Variants in CDH7 observed in about 807,000 individuals in gnomAD.
CDH7 encodes cadherin 7.
A neutral mutation model predicts 71.8 loss-of-function variants in CDH7; 25 were observed. The observed-to-expected ratio is 0.35, with a 90% CI of 0.25 to 0.49. The LOEUF (loss-of-function observed/expected upper bound fraction) is 0.49. Among genes scored for constraint, CDH7 ranks in the 20% least tolerant of loss-of-function variants. The pLI, the probability that CDH7 is intolerant of heterozygous loss-of-function variation, is 0.99. For synonymous variants in CDH7, 381 were observed against 363.8 expected, an observed-to-expected ratio of 1.05 and a Z score of -0.54; for missense variants, 862 against 974.6, an observed-to-expected ratio of 0.88 and a Z score of 1.54.
chr18:65,807,079 A>T (rs2143899103), intron 2 of CDH7, among the ~76,000 whole-genome samples: 1 of 151,774 alleles, frequency 6.6e-6, no homozygotes, highest in Admixed American at 6.6e-5. Context: ...AAAGTTTAGG[A>T]CTTCTGAAAC....
Position 65,762,803 on chromosome 18 carries a change from G to A in CDH7, c.-40G>A. 1.3e-6 allele frequency: 2 copies of A among 1,570,028 alleles called. No individual in the cohort carries two copies. The highest frequency in any genetic ancestry group is 1.7e-6 in the Non-Finnish European group (2 of 1,153,724). On this transcript the variant is annotated 5_prime_UTR_variant, in exon 2 of 12. Transcript: ENST00000397968. ...GGAACTGTGCCTTTTCTCTTGTCAA[G>A]GTTTTTTTCTTACACAGGAAAAAGA...
chr18:65,862,645 C>A (rs112254494), intron 10 of CDH7, 21 bp from the exon 11 acceptor site: 1 of 1,610,020 alleles, frequency 6.2e-7, no homozygotes, highest in Non-Finnish European at 8.5e-7. Context: ...TGGTGTTATA[C>A]ATTTGCTTTC....
chr18:65,811,336 G>A (rs1358206477), intron 3 of CDH7, among the ~76,000 whole-genome samples: 1 of 152,142 alleles, frequency 6.6e-6, no homozygotes, highest in Admixed American at 6.5e-5. Flanking sequence ...TATTAGAAGA[G>A]AGAGGGGAAA....
At chr18:65,852,442 C>T (rs2628251) in intron 7 of CDH7, among the ~76,000 whole-genome samples, 147,448 of 152,224 alleles carry the variant, frequency 0.97, 71,568 homozygotes, top group East Asian at 1. Context: ...ACCTTGGCAG[C>T]ATAATGCCAT....
At chr18:65,861,902 CTT>C (rs1913577480) in intron 10 of CDH7, among the ~76,000 whole-genome samples, 1 of 151,930 alleles carries the variant, frequency 6.6e-6, no homozygotes. Context: ...CATAAATACT[CTT>C]ATTATTTAAT....
At chr18:65,827,732 C>T (rs1912184995) in intron 6 of CDH7, among the ~76,000 whole-genome samples, 1 of 151,714 alleles carries the variant, frequency 6.6e-6, no homozygotes, top group Non-Finnish European at 1.5e-5. Context: ...GAGGCAAAAC[C>T]ATTAGATTCT....
At chr18:65,751,374 G>A (rs1915870745) in intron 1 of CDH7, among the ~76,000 whole-genome samples, 1 of 152,226 alleles carries the variant, frequency 6.6e-6, no homozygotes, top group Admixed American at 6.5e-5. Context: ...GGCCCGGAAA[G>A]CCGGTGTTGA....
rs1913418861 is a variant in CDH7, at chr18:65,857,863, A to G, written c.1283A>G (p.Asp428Gly). ...NTDLERYFNIDANSGVITTAK... is the reference protein window; with the variant it reads ...NTDLERYFNIGANSGVITTAK... ...GACTTGGAGAGATACTTCAATATTG[A>G]TGCCAACAGTGGGGTCATCACAACT... Residue 428 changes from aspartate (D) to glycine (G), a missense_variant, in exon 8 of 12, where the codon GAT becomes GGT. By Grantham distance (94) the Asp-to-Gly change is moderately conservative (BLOSUM62 -1). Transcript: ENST00000397968. 2 of 1,613,398 alleles carry G rather than the reference A, an allele frequency of 1.2e-6. No individual in the cohort carries two copies. The highest frequency in any genetic ancestry group is 1.3e-5 in the African/African-American group (1 of 74,900).
At chr18:65,873,218 T>C (rs1377890295) in intron 11 of CDH7, among the ~76,000 whole-genome samples, 6 of 152,182 alleles carry the variant, frequency 3.9e-5, no homozygotes, top group African/African-American at 1.4e-4. Flanking sequence ...TTTTCAACTA[T>C]ACCTTGTAGG....
intron 2 of CDH7, among the ~76,000 whole-genome samples, chr18:65,784,094 G>C (rs1191073455): frequency 6.8e-6 from 1 of 146,728 alleles, no homozygotes; most frequent in Non-Finnish European, 1.5e-5. Flanking sequence ...TGGGAACACA[G>C]GCATTACCAC....
intron 3 of CDH7, among the ~76,000 whole-genome samples, chr18:65,811,610 T>A (rs1389152954): frequency 6.6e-6 from 1 of 152,032 alleles, no homozygotes; most frequent in East Asian, 1.9e-4. Context: ...TTACAAGATT[T>A]TAGAAAAAAG....
At chr18:65,754,250 T>C (rs887822926) in intron 1 of CDH7, among the ~76,000 whole-genome samples, 1 of 152,204 alleles carries the variant, frequency 6.6e-6, no homozygotes, top group African/African-American at 2.4e-5. Context: ...GTAATCCACT[T>C]TGAGAAGTTT....
rs1914310897 is a variant in CDH7 at position 65,884,251 on chromosome 18, G to A, written c.*3357G>A. ...TCAATTCACAAATTAGTCTCTGAAA[G>A]AAATATTCCAAGATCAGCCAGCTAA... On this transcript the variant is annotated 3_prime_UTR_variant, in exon 12 of 12. Transcript: ENST00000397968. 1 of 152,100 alleles carries A rather than the reference G, an allele frequency of 6.6e-6. No individual in the cohort carries two copies. Among genetic ancestry groups the A allele is most frequent in the Admixed American group, 6.5e-5 (1 of 15,278 alleles). 9.4% of individuals were successfully genotyped at this position (152,100 alleles called of 1,614,324 possible). A position where few individuals can be genotyped will look rare whatever the true frequency, so the allele number is the denominator to read the frequency against.
At chr18:65,788,958 A>C (rs1030279864) in intron 2 of CDH7, among the ~76,000 whole-genome samples, 8 of 152,178 alleles carry the variant, frequency 5.3e-5, no homozygotes, top group Non-Finnish European at 8.8e-5. Flanking sequence ...GTCCTATACA[A>C]AGTTATATTA....
chr18:65,829,777 T>A (rs913847648), intron 6 of CDH7, among the ~76,000 whole-genome samples: 3 of 50,760 alleles, frequency 5.9e-5, no homozygotes, highest in Non-Finnish European at 9.5e-5. Flanking sequence ...AGGAAGGGAG[T>A]GTGTGTGTGT....
chr18:65,814,694 ACATAC>A, intron 4 of CDH7, 90 bp downstream of exon 4: 2 of 1,131,878 alleles, frequency 1.8e-6, no homozygotes, highest in Non-Finnish European at 2.5e-6. Flanking sequence ...GACACTAATA[ACATAC>A]CATTTTATTA....
chr18:65,854,819 A>G (rs1199354233), intron 7 of CDH7, among the ~76,000 whole-genome samples: 1 of 152,102 alleles, frequency 6.6e-6, no homozygotes, highest in African/African-American at 2.4e-5. Context: ...AAACATTAAT[A>G]TCAGTTTTCC....
At chr18:65,870,035 T>A (rs1294693879) in intron 11 of CDH7, among the ~76,000 whole-genome samples, 2 of 152,162 alleles carry the variant, frequency 1.3e-5, no homozygotes, top group Non-Finnish European at 2.9e-5. Context: ...ATTTAAATGA[T>A]GTTTGCAGGT....
intron 4 of CDH7, 78 bp downstream of exon 4, chr18:65,814,682 T>G: frequency 7.8e-7 from 1 of 1,280,984 alleles, no homozygotes; most frequent in Non-Finnish European, 1.1e-6. Flanking sequence ...CTAAATATAG[T>G]TGACACTAAT....
Sources: allele counts gnomAD v4.1 joint callset (sites outside exome capture counted in the v4.1 genomes callset), GRCh38; gene constraint gnomAD v4.1.1; transcripts MANE v1.5; gene names NCBI Gene and HGNC (gene_info 2026-07-23, HGNC 2026-07-21).